Variants in SRFBP1 observed in about 807,000 individuals in gnomAD.
The protein encoded by SRFBP1 is serum response factor-binding protein 1.
A neutral mutation model predicts 45.5 loss-of-function variants in SRFBP1; 47 were observed. The observed-to-expected ratio is 1.03, with a 90% CI of 0.82 to 1.32. The LOEUF (loss-of-function observed/expected upper bound fraction) is 1.32. Ranked by LOEUF, SRFBP1 falls within the 40% of genes most tolerant of loss-of-function variation. The pLI is 0.00. For synonymous variants in SRFBP1, 203 were observed against 166.3 expected (o/e 1.22, Z -1.70); for missense variants, 621 against 484.6 (o/e 1.28, Z -2.64).
chr5:122,074,185 A>C lies in SRFBP1; in HGVS notation n.312-1130A>C, dbSNP rs1561419494. On this transcript the variant is annotated intron_variant and non_coding_transcript_variant, in intron 2 of 2. Coordinates refer to the SRFBP1 transcript ENST00000504881. The stretch of plus-strand genomic sequence containing the variant: ...GTGGTAATGTCTGATGTCCCACAAA[A>C]CAAAAAGATGGTGGTCAGTTACATA... The C allele has an allele frequency of 6.2e-7, 1 of 1,606,542 alleles. No homozygotes were observed. The highest frequency in any genetic ancestry group is 1.7e-5 in the Admixed American group (1 of 59,916).
rs554222162 is a variant in SRFBP1, at chr5:121,969,296, A to C, written c.37-4900A>C. 5.9e-5 allele frequency among the ~76,000 whole-genome samples: 9 copies of C among 152,242 alleles called. No homozygotes were observed. The South Asian group carries it at 1.0e-3, about 18-fold the overall frequency. The stretch of plus-strand genomic sequence containing the variant: ...TGACCATCAGCTGCTTGGTATGTAG[A>C]AATACAGAAAGGGGTTTTAGTTGCA... On this transcript the variant is annotated intron_variant, in intron 1 of 7. Coordinates refer to ENST00000339397, the MANE Select transcript of SRFBP1 (RefSeq NM_152546.3).
intron 2 of SRFBP1, 142 bp downstream of exon 2, chr5:121,974,426 TGTGA>T (rs1752262018): frequency 1.3e-5 from 8 of 595,536 alleles, no homozygotes; most frequent in South Asian, 4.0e-5. Context: ...GCGGAGATGA[TGTGA>T]GTGAGATAGA....
At chr5:122,059,356 C>T (rs1016268089) in intron 2 of SRFBP1, among the ~76,000 whole-genome samples, 1 of 151,998 alleles carries the variant, frequency 6.6e-6, no homozygotes, top group African/African-American at 2.4e-5. Context: ...GAAACTGTAC[C>T]ATGTATGTGT....
At chr5:121,996,466 C>T (rs1752730598) in intron 4 of SRFBP1, among the ~76,000 whole-genome samples, 1 of 20,680 alleles carries the variant, frequency 4.8e-5, no homozygotes, top group African/African-American at 2.4e-4. Context: ...TTCAACAACC[C>T]TTCATGCTAA....
chr5:122,028,739 C>T (rs1361594901), downstream of SRFBP1: 2 of 152,020 alleles, frequency 1.3e-5, no homozygotes, highest in Non-Finnish European at 2.9e-5. Context: ...GATATAATTT[C>T]AGACTGACAA....
Position 122,027,435 on chromosome 5 carries a change from C to T in SRFBP1, c.*309C>T, listed in dbSNP as rs955276551. The T allele has an allele frequency of 5.8e-6, 1 of 171,516 alleles. No homozygotes were observed. Among genetic ancestry groups the T allele is most frequent in the African/African-American group, 2.4e-5 (1 of 42,102 alleles). 10.6% of individuals were successfully genotyped at this position (171,516 alleles called of 1,614,324 possible). ...GTATTTTTTTTTAAAGTAAATTCAACTTACGCTTATATAAGCCTTTCACAA... is the reference window on the plus strand; with the variant it reads ...GTATTTTTTTTTAAAGTAAATTCAATTTACGCTTATATAAGCCTTTCACAA... On this transcript the variant is annotated 3_prime_UTR_variant, in exon 8 of 8. Coordinates refer to ENST00000339397, the MANE Select transcript of SRFBP1 (RefSeq NM_152546.3).
intron 3 of SRFBP1, among the ~76,000 whole-genome samples, chr5:121,993,160 T>C (rs1464082338): frequency 6.6e-6 from 1 of 152,132 alleles, no homozygotes; most frequent in African/African-American, 2.4e-5. Context: ...TTTAAATATA[T>C]TTTGTTGATT....
rs767903094 is a variant in SRFBP1 at position 122,027,035 on chromosome 5, T to G, written c.1199T>G (p.Leu400Arg). ...ACAAAACAGCAATTGCAGCTGCCTCTTCATCCTTCATGGGAAGCAAGCAGA... is the reference window on the plus strand; with the variant it reads ...ACAAAACAGCAATTGCAGCTGCCTCGTCATCCTTCATGGGAAGCAAGCAGA... ...ENTKQQLQLP[L>R]HPSWEASRRR... Residue 400 changes from leucine (L) to arginine (R), a missense_variant, in exon 8 of 8, where the codon CTT becomes CGT. By Grantham distance (102) the Leu-to-Arg change is moderately radical. Coordinates refer to ENST00000339397, the MANE Select transcript of SRFBP1 (RefSeq NM_152546.3). 1 of 1,613,058 alleles carries G rather than the reference T, an allele frequency of 6.2e-7. No homozygotes were observed.
chr5:122,038,504 T>A (rs1753725600), intron 2 of SRFBP1, among the ~76,000 whole-genome samples: 1 of 152,118 alleles, frequency 6.6e-6, no homozygotes, highest in Non-Finnish European at 1.5e-5. Context: ...ATTTACTAGT[T>A]TGCAAGCAAA....
intron 2 of SRFBP1, chr5:122,063,466 CA>C (rs1417896367): frequency 1.3e-5 from 2 of 151,880 alleles, no homozygotes; most frequent in Non-Finnish European, 2.9e-5. Flanking sequence ...TTATATACCA[CA>C]AGCTAAGATT....
intron 2 of SRFBP1, among the ~76,000 whole-genome samples, chr5:121,974,703 T>C (rs1752266565): frequency 6.6e-6 from 1 of 151,912 alleles, no homozygotes; most frequent in Admixed American, 6.6e-5. Context: ...CTTCAGTACC[T>C]TATGAAAGTG....
intron 3 of SRFBP1, among the ~76,000 whole-genome samples, chr5:121,992,499 GATA>G (rs1475422003): frequency 6.6e-6 from 1 of 151,888 alleles, no homozygotes; most frequent in Non-Finnish European, 1.5e-5. Context: ...GATAATCCAG[GATA>G]ATAACTCCAT....
intron 2 of SRFBP1, among the ~76,000 whole-genome samples, chr5:122,068,660 G>A (rs1459989367): frequency 1.3e-5 from 2 of 152,096 alleles, no homozygotes; most frequent in Non-Finnish European, 2.9e-5. Context: ...AGTAGAGCAG[G>A]AGACAGACAT....
chr5:122,004,692 A>G (rs1210950924), intron 4 of SRFBP1, among the ~76,000 whole-genome samples: 2 of 151,896 alleles, frequency 1.3e-5, no homozygotes, highest in East Asian at 3.9e-4. Flanking sequence ...TCTTCTGCTC[A>G]CTTTGGGTTT....
At chr5:121,983,171 C>T (rs1054580596) in intron 3 of SRFBP1, among the ~76,000 whole-genome samples, 2 of 151,280 alleles carry the variant, frequency 1.3e-5, no homozygotes, top group African/African-American at 4.8e-5. Flanking sequence ...AACTGGATAT[C>T]ACCTCAATTT....
chr5:122,067,095 G>A (rs1754322216), intron 2 of SRFBP1, among the ~76,000 whole-genome samples: 1 of 152,110 alleles, frequency 6.6e-6, no homozygotes, highest in Non-Finnish European at 1.5e-5. Flanking sequence ...CCAAGAAGTA[G>A]AGTCAAGGCC....
intron 3 of SRFBP1, among the ~76,000 whole-genome samples, chr5:121,978,621 A>G (rs1048309969): frequency 6.6e-6 from 1 of 152,060 alleles, no homozygotes; most frequent in Non-Finnish European, 1.5e-5. Flanking sequence ...TCTCCTGAGT[A>G]ACTGGGACTA....
intron 2 of SRFBP1, among the ~76,000 whole-genome samples, chr5:122,061,341 A>T (rs991449841): frequency 2.0e-5 from 3 of 151,834 alleles, no homozygotes; most frequent in African/African-American, 7.2e-5. Context: ...TATTGTTTCT[A>T]ACAGTGACAC....
Position 122,001,195 on chromosome 5 carries a change from A to G in SRFBP1, c.270+6525A>G, listed in dbSNP as rs145969740. On this transcript the variant is annotated intron_variant, in intron 4 of 7. Coordinates refer to ENST00000339397, the MANE Select transcript of SRFBP1 (RefSeq NM_152546.3). ...CTTTAAAATATACTATGATAATTAT[A>G]TAAAAGTTTCTAATCATAACTACTT... is the stretch of plus-strand genomic sequence containing the variant. Among the ~76,000 whole-genome samples, 1,515 of 151,940 alleles carry G rather than the reference A, an allele frequency of 1.0e-2. 9 individuals are homozygous for G. Among genetic ancestry groups the G allele is most frequent in the Non-Finnish European group, 0.014 (951 of 67,886 alleles).
Sources: gnomAD v4.1 joint callset for allele counts (sites outside exome capture counted in the v4.1 genomes callset) on GRCh38, gnomAD v4.1.1 for gene constraint, MANE v1.5 for transcripts, NCBI Gene and HGNC (gene_info 2026-07-23, HGNC 2026-07-21) for gene names.